Variants in SBNO2 observed in about 807,000 individuals in gnomAD.
The protein encoded by SBNO2 is protein strawberry notch homolog 2.
A neutral mutation model predicts 146.3 loss-of-function variants in SBNO2; 89 were observed. The ratio of observed to expected loss-of-function variants is 0.61; its 90% confidence interval spans 0.51 to 0.73. The LOEUF (loss-of-function observed/expected upper bound fraction) is 0.73. SBNO2 is among the 30% of genes least tolerant of loss of function. The pLI is 0.00. For missense variants in SBNO2, 2,092 were observed against 2,003.7 expected (o/e 1.04, Z -0.84); for synonymous variants, 1,147 against 892.6 (o/e 1.29, Z -5.08).
chr19:1,166,134 A>G (rs1161682044), intron 1 of SBNO2, among the ~76,000 whole-genome samples: 1 of 70,202 alleles, frequency 1.4e-5, no homozygotes, highest in Non-Finnish European at 3.0e-5. Flanking sequence ...CCCAGACTTC[A>G]GATCCCCAGA....
At chr19:1,170,328 C>T (rs1244066649) in intron 1 of SBNO2, among the ~76,000 whole-genome samples, 2 of 152,174 alleles carry the variant, frequency 1.3e-5, no homozygotes, top group African/African-American at 4.8e-5. Context: ...AAGGTGACCA[C>T]GGGGCTGGCA....
In SBNO2 at chr19:1,147,439, G is replaced by GGGGGC. The variant is rs773482663; in HGVS notation, c.168-20_168-19insGCCCC. Reference sequence around the variant, plus strand: ...GAACGGGCTGGAGGGAGATGGGGGGGGGGGAGGTGAGATGGGGTGCTCAAC... The same window carrying GGGGGC: ...GAACGGGCTGGAGGGAGATGGGGGGGGGGGCGGGGAGGTGAGATGGGGTGCTCAAC... On this transcript the variant is annotated intron_variant, in intron 3 of 31. Coordinates refer to ENST00000361757, the MANE Select transcript of SBNO2 (RefSeq NM_014963.3). The GGGGGC allele has an allele frequency of 3.4e-4, 435 of 1,265,086 alleles. 3 individuals are homozygous for GGGGGC. Among genetic ancestry groups the GGGGGC allele is most frequent in the Non-Finnish European group, 3.9e-4 (359 of 922,438 alleles). 78.4% of individuals were successfully genotyped at this position (1,265,086 alleles called of 1,614,324 possible).
Position 1,122,948 on chromosome 19 carries a change from C to G in SBNO2, c.726G>C (p.Ser242=). The G allele has an allele frequency of 6.4e-7, 1 of 1,563,116 alleles. No homozygotes were observed. Among genetic ancestry groups the G allele is most frequent in the Non-Finnish European group, 8.7e-7 (1 of 1,154,450 alleles). ...PDITYTLALP[S]DSGALSALQL... ...GCAGGGCAGACAGGGCCCCGCTGTC[C>G]GAGGGCAGGGCCAGGGTGTAGGTGA... The change falls in exon 8 of 32, where the codon TCG becomes TCC. Residue 242 remains serine, a synonymous_variant. Transcript: ENST00000361757.
At position 1,164,648 on chromosome 19, in the gene SBNO2, CAGG is replaced by C. The variant is rs1329473669; in HGVS notation, c.-127+9521_-127+9523del. Among the ~76,000 whole-genome samples the C allele has an allele frequency of 6.7e-4, 11 of 16,516 alleles. 1 individual carries two copies. The highest frequency in any genetic ancestry group is 1.8e-3 in the South Asian group (1 of 550). 10.8% of individuals were successfully genotyped at this position (16,516 alleles called of 152,430 possible). ...ACAGGAGGAGGAGGAGGAGGAGGAA[CAGG>C]AGGAGGAGGAGGAGGAACAGGAGGA... On this transcript the variant is annotated intron_variant, in intron 1 of 31. Coordinates refer to ENST00000361757, the MANE Select transcript of SBNO2 (RefSeq NM_014963.3).
In SBNO2 at chr19:1,109,501, C is replaced by T. The variant is rs1226077816; in HGVS notation, c.3216+5G>A. On this transcript the variant is annotated splice_donor_5th_base_variant and intron_variant, in intron 28 of 31. Coordinates refer to ENST00000361757, the MANE Select transcript of SBNO2 (RefSeq NM_014963.3). The surrounding 1 kb of genome is among the most constrained non-coding windows in gnomAD (Gnocchi z 4.2). ...CTCTGGGGGGGTAACCCCGCCCGACCCCACCTTGTAGGAGAGGTAGAAGCC... is the reference window on the plus strand; with the variant it reads ...CTCTGGGGGGGTAACCCCGCCCGACTCCACCTTGTAGGAGAGGTAGAAGCC... The T allele has an allele frequency of 1.0e-5, 16 of 1,592,042 alleles. No individual in the cohort carries two copies. Among genetic ancestry groups the T allele is most frequent in the South Asian group, 2.3e-5 (2 of 87,944 alleles).
intron 1 of SBNO2, among the ~76,000 whole-genome samples, chr19:1,170,222 T>C (rs2080464493): frequency 6.6e-6 from 1 of 152,200 alleles, no homozygotes; most frequent in African/African-American, 2.4e-5. Flanking sequence ...ATCCCCGTCT[T>C]GGCCAGAACC....
chr19:1,122,592 T>TGGC, intron 9 of SBNO2, 34 bp from the exon 10 acceptor site: 3 of 1,455,618 alleles, frequency 2.1e-6, no homozygotes, highest in Non-Finnish European at 2.8e-6. Flanking sequence ...CGCCCACCCT[T>TGGC]CCCCCTCGCC....
chr19:1,116,220 T>C (rs1211052374), intron 16 of SBNO2, 117 bp from the exon 17 acceptor site: 2 of 858,024 alleles, frequency 2.3e-6, no homozygotes, highest in Non-Finnish European at 3.6e-6. Flanking sequence ...GGACCGGGCC[T>C]GGGCAGAGGG....
In SBNO2 at chr19:1,147,430, G is replaced by T; in HGVS notation, c.168-10C>A. 3.6e-6 allele frequency: 3 copies of T among 824,622 alleles called. No individual in the cohort carries two copies. Among genetic ancestry groups the T allele is most frequent in the Non-Finnish European group, 5.2e-6 (3 of 571,898 alleles). 51.1% of individuals were successfully genotyped at this position (824,622 alleles called of 1,614,324 possible). A position where few individuals can be genotyped will look rare whatever the true frequency, so the allele number is the denominator to read the frequency against. ...GGAGCTCATGAACGGGCTGGAGGGA[G>T]ATGGGGGGGGGGGAGGTGAGATGGG... On this transcript the variant is annotated splice_polypyrimidine_tract_variant and intron_variant, in intron 3 of 31. Transcript: ENST00000361757.
At chr19:1,156,993 C>T (rs879515251) in intron 1 of SBNO2, among the ~76,000 whole-genome samples, 3 of 73,910 alleles carry the variant, frequency 4.1e-5, no homozygotes, top group Non-Finnish European at 1.0e-4. Flanking sequence ...CCTGCCTTTC[C>T]GCCCACTGCC....
chr19:1,139,659 G>A (rs1193184565), intron 4 of SBNO2, among the ~76,000 whole-genome samples: 2 of 152,176 alleles, frequency 1.3e-5, no homozygotes, highest in Non-Finnish European at 2.9e-5. Context: ...GCTGGGCGCG[G>A]TGGCGCACAC....
At chr19:1,111,208 C>A in intron 24 of SBNO2, 115 bp from the exon 25 acceptor site, 1 of 1,227,670 alleles carries the variant, frequency 8.1e-7, no homozygotes, top group South Asian at 1.5e-5. Flanking sequence ...GCAGCTGCAG[C>A]CTAGGGCCAG....
chr19:1,123,403 C>T (rs549614624), intron 7 of SBNO2, 131 bp downstream of exon 7: 20 of 769,620 alleles, frequency 2.6e-5, no homozygotes, highest in Admixed American at 7.2e-5. Flanking sequence ...AACCTGTCCC[C>T]GGGCTCTCCG....
Position 1,122,866 on chromosome 19 carries a change from C to A in SBNO2, c.780+28G>T, listed in dbSNP as rs371178452. 16 of 1,539,900 alleles carry A rather than the reference C, an allele frequency of 1.0e-5. No individual in the cohort carries two copies. In the East Asian group the frequency reaches 1.5e-4, roughly 14 times the overall value. ...TCCCCAGGGGCCTCGCGGACACAGG[C>A]TGGGCTGGGTTGGGGACATGCGGTC... is the stretch of plus-strand genomic sequence containing the variant. On this transcript the variant is annotated intron_variant, in intron 8 of 31. Coordinates refer to ENST00000361757, the MANE Select transcript of SBNO2 (RefSeq NM_014963.3).
chr19:1,108,316 CT>C lies in SBNO2; in HGVS notation c.4004del (p.Glu1335GlyfsTer18). ...AGPPSEGALG[E>X]GAGAGGAAGG... ...CCGCCGCGCCCCCCGCCCCCGCGCC[CT>C]CCCCCAGCGCGCCCTCGGAGGGCGG... On this transcript the variant is annotated frameshift_variant, in exon 32 of 32. Coordinates refer to ENST00000361757, the MANE Select transcript of SBNO2 (RefSeq NM_014963.3). LOFTEE classifies it low-confidence loss of function (END_TRUNC). 1 of 1,441,786 alleles carries C rather than the reference CT, an allele frequency of 6.9e-7. No individual in the cohort carries two copies. 89.3% of individuals were successfully genotyped at this position (1,441,786 alleles called of 1,614,324 possible).
intron 4 of SBNO2, among the ~76,000 whole-genome samples, chr19:1,138,682 T>G (rs1437027176): frequency 6.8e-6 from 1 of 147,508 alleles, no homozygotes; most frequent in Admixed American, 6.7e-5. Flanking sequence ...ACAGACACAG[T>G]GGGGCCCTCC....
rs1159037491 is a variant in SBNO2, at chr19:1,144,021, G to A, written c.279+3288C>T. Reference sequence around the variant, plus strand: ...GGAGCAGAGGCTTCCGTGGCTGGCTGGGCTGCGCTGGGGGGCACGGCGCAA... The same window carrying A: ...GGAGCAGAGGCTTCCGTGGCTGGCTAGGCTGCGCTGGGGGGCACGGCGCAA... On this transcript the variant is annotated intron_variant, in intron 4 of 31. Transcript: ENST00000361757. The surrounding 1 kb of genome is among the most constrained non-coding windows in gnomAD (Gnocchi z 4.1). Among the ~76,000 whole-genome samples the A allele has an allele frequency of 6.6e-6, 1 of 152,220 alleles. No individual in the cohort carries two copies. The highest frequency in any genetic ancestry group is 1.5e-5 in the Non-Finnish European group (1 of 68,042).
At chr19:1,129,869 A>G (rs984590903) in intron 4 of SBNO2, among the ~76,000 whole-genome samples, 1 of 152,174 alleles carries the variant, frequency 6.6e-6, no homozygotes, top group Non-Finnish European at 1.5e-5. Context: ...CAGCGTGGAC[A>G]GAGGGAAGGG....
chr19:1,116,543 C>T (rs1025723222), intron 16 of SBNO2, among the ~76,000 whole-genome samples: 2 of 152,096 alleles, frequency 1.3e-5, no homozygotes, highest in African/African-American at 2.4e-5. Flanking sequence ...AATCCACAGC[C>T]CCCTTGTTAA....
Sources: gnomAD v4.1 joint callset for allele counts (sites outside exome capture counted in the v4.1 genomes callset) on GRCh38, gnomAD v4.1.1 for gene constraint, Gnocchi (gnomAD v3.1) non-coding constraint, MANE v1.5 for transcripts, NCBI Gene and HGNC (gene_info 2026-07-23, HGNC 2026-07-21) for gene names.